SEM1: variants seen among roughly 807,000 people sequenced by gnomAD.
SEM1 encodes 26S proteasome complex subunit SEM1.
A neutral mutation model predicts 12.7 loss-of-function variants in SEM1; 3 were observed. That is an observed-to-expected ratio of 0.24 (90% CI 0.11 to 0.61). The LOEUF (loss-of-function observed/expected upper bound fraction) is 0.61, where lower values mean the gene tolerates loss of function less well. Among genes scored for constraint, SEM1 ranks in the 20% least tolerant of loss-of-function variants. The pLI is 0.88. For synonymous variants in SEM1, 30 were observed against 27.8 expected, an observed-to-expected ratio of 1.08 and a Z score of -0.25; for missense variants, 59 against 81.3, an observed-to-expected ratio of 0.73 and a Z score of 1.06.
At chr7:96,497,450 A>C (rs1174946543), upstream of SEM1, among the ~76,000 whole-genome samples, 1 of 152,330 alleles carries the variant, frequency 6.6e-6, no homozygotes, top group East Asian at 1.9e-4. Context: ...ATAAAATGGT[A>C]CATGCTTAAA....
At chr7:96,694,749 T>C (rs1218223758) in intron 2 of SEM1, 49 bp downstream of exon 2, 10 of 1,173,988 alleles carry the variant, frequency 8.5e-6, no homozygotes, top group Non-Finnish European at 1.3e-5. Context: ...ACATATTCCA[T>C]GCTTATAATT....
At chr7:96,689,261 C>G (rs1407015462) in intron 2 of SEM1, among the ~76,000 whole-genome samples, 4 of 152,062 alleles carry the variant, frequency 2.6e-5, no homozygotes, top group Non-Finnish European at 5.9e-5. Flanking sequence ...CCTTCAAATA[C>G]TTTCCAAATG....
intron 1 of SEM1, among the ~76,000 whole-genome samples, chr7:96,491,067 G>T (rs546162099): frequency 2.0e-5 from 3 of 152,222 alleles, no homozygotes; most frequent in African/African-American, 7.2e-5. Flanking sequence ...CATGTATCTC[G>T]CTTTGCATTG....
exon 2 of SEM1, chr7:96,486,224 G>T (rs1187812563): frequency 6.5e-7 from 1 of 1,534,372 alleles, no homozygotes; most frequent in African/African-American, 1.4e-5. Flanking sequence ...GGCTAACTCT[G>T]TTGTCGCTCT....
At chr7:96,696,727 T>A (rs1470884746) in intron 1 of SEM1, 1 of 152,018 alleles carries the variant, frequency 6.6e-6, no homozygotes, top group Non-Finnish European at 1.5e-5. Flanking sequence ...CAAAATAGTA[T>A]GTCCAACACT....
intron 2 of SEM1, among the ~76,000 whole-genome samples, chr7:96,531,318 C>T (rs1024738227): frequency 1.3e-5 from 2 of 151,638 alleles, no homozygotes; most frequent in African/African-American, 2.4e-5. Context: ...CCTGTAATCC[C>T]AGCACTTTCG....
chr7:96,657,466 A>G (rs570187051), intron 2 of SEM1, among the ~76,000 whole-genome samples: 2 of 152,304 alleles, frequency 1.3e-5, no homozygotes, highest in Admixed American at 1.3e-4. Context: ...CCTAAGTAAA[A>G]GAGGGATTAA....
intron 2 of SEM1, among the ~76,000 whole-genome samples, chr7:96,538,968 A>G (rs533189597): frequency 6.6e-6 from 1 of 151,986 alleles, no homozygotes; most frequent in South Asian, 2.1e-4. Flanking sequence ...TATGGTTGCT[A>G]TAAATAAAAT....
intron 2 of SEM1, among the ~76,000 whole-genome samples, chr7:96,592,226 G>A (rs2116141592): frequency 6.6e-6 from 1 of 151,946 alleles, no homozygotes; most frequent in South Asian, 2.1e-4. Flanking sequence ...CCGGGAAGAG[G>A]AGGGGTCTGT....
rs74789013 is a variant in SEM1 at position 96,559,700 on chromosome 7, C to T, written c.171-53002G>A. ...CTACATGTTGTAGAGAGTACTAGAGCTCACCCATATCTTGTTATCTTCTTC... is the reference window on the plus strand; with the variant it reads ...CTACATGTTGTAGAGAGTACTAGAGTTCACCCATATCTTGTTATCTTCTTC... On this transcript the variant is annotated intron_variant and NMD_transcript_variant, in intron 2 of 3. Transcript: ENST00000466986. Among the ~76,000 whole-genome samples the T allele has an allele frequency of 3.7e-3, 567 of 152,322 alleles. 1 individual carries two copies. Among genetic ancestry groups the T allele is most frequent in the African/African-American group, 0.012 (514 of 41,570 alleles).
chr7:96,679,418 T>C (rs546889899), intron 2 of SEM1, among the ~76,000 whole-genome samples: 116 of 152,186 alleles, frequency 7.6e-4, no homozygotes, highest in African/African-American at 2.6e-3. Context: ...TAAAACATCT[T>C]TGTTAAATCT....
intron 2 of SEM1, among the ~76,000 whole-genome samples, chr7:96,550,424 T>C (rs749684762): frequency 2.0e-5 from 3 of 152,218 alleles, no homozygotes; most frequent in Non-Finnish European, 2.9e-5. Flanking sequence ...TTTATTATTT[T>C]GATTGCAAAA....
intron 2 of SEM1, among the ~76,000 whole-genome samples, chr7:96,692,242 C>T (rs1368784532): frequency 6.6e-6 from 1 of 152,052 alleles, no homozygotes; most frequent in Non-Finnish European, 1.5e-5. Context: ...TTATAGTATT[C>T]AACAATGTAT....
At chr7:96,658,754 T>G (rs1809268687) in intron 2 of SEM1, among the ~76,000 whole-genome samples, 2 of 152,184 alleles carry the variant, frequency 1.3e-5, no homozygotes, top group South Asian at 4.1e-4. Context: ...CTTAACACAG[T>G]GCTGAGTGTC....
chr7:96,647,815 A>C (rs1196142408), intron 2 of SEM1, among the ~76,000 whole-genome samples: 1 of 152,238 alleles, frequency 6.6e-6, no homozygotes, highest in Non-Finnish European at 1.5e-5. Flanking sequence ...TCAGGAGAGC[A>C]GGAAGCTCAC....
At chr7:96,700,538 T>G (rs1036268857) in intron 1 of SEM1, among the ~76,000 whole-genome samples, 5 of 152,168 alleles carry the variant, frequency 3.3e-5, no homozygotes, top group Non-Finnish European at 7.4e-5. Context: ...TCCCATTTAG[T>G]TGAAAAAAAT....
At chr7:96,668,997 A>C (rs1364977312), downstream of SEM1, among the ~76,000 whole-genome samples, 7 of 152,196 alleles carry the variant, frequency 4.6e-5, no homozygotes, top group Non-Finnish European at 8.8e-5. Flanking sequence ...ACCAGAAATT[A>C]GGAAGAGACA....
At chr7:96,538,482 C>A (rs963537460) in intron 2 of SEM1, among the ~76,000 whole-genome samples, 4 of 151,926 alleles carry the variant, frequency 2.6e-5, no homozygotes, top group African/African-American at 7.2e-5. Flanking sequence ...TTTTCTGTAG[C>A]TATAGGTGCA....
At position 96,590,414 on chromosome 7, in the gene SEM1, T is replaced by C. The variant is rs570763645; in HGVS notation, c.171-83716A>G. ...CCTTTGCCATTTTTATTTCTACAAG[T>C]CACAGGAAACTCCACGAACAAGCAC... On this transcript the variant is annotated intron_variant and NMD_transcript_variant, in intron 2 of 3. Transcript: ENST00000466986. Among the ~76,000 whole-genome samples the C allele has an allele frequency of 5.2e-3, 799 of 152,278 alleles. 10 individuals carry two copies. The highest frequency in any genetic ancestry group is 0.018 in the African/African-American group (763 of 41,544).
Sources: gnomAD v4.1 joint callset for allele counts (sites outside exome capture counted in the v4.1 genomes callset) on GRCh38, gnomAD v4.1.1 for gene constraint, MANE v1.5 for transcripts, NCBI Gene and HGNC (gene_info 2026-07-23, HGNC 2026-07-21) for gene names.